The following NEGR1 variants were observed in gnomAD, a reference collection of about 807,000 sequenced individuals.
NEGR1 encodes IgLON family member 4.
NEGR1 carries 10 observed loss-of-function variants against 40.9 expected under a neutral mutation model. That is an observed-to-expected ratio of 0.24 (90% CI 0.15 to 0.42). The LOEUF (loss-of-function observed/expected upper bound fraction) is 0.42. NEGR1 is among the 10% of genes least tolerant of loss of function. The probability of loss-of-function intolerance (pLI) is 1.00; values close to 1 mark genes in which losing one functional copy is unlikely to be tolerated. For synonymous variants in NEGR1, 185 were observed against 166.8 expected (o/e 1.11, Z -0.84); for missense variants, 352 against 438.9 (o/e 0.80, Z 1.77).
chr1:71,530,281 AC>A (rs1387611842), intron 6 of NEGR1, among the ~76,000 whole-genome samples: 1 of 151,410 alleles, frequency 6.6e-6, no homozygotes, highest in Non-Finnish European at 1.5e-5. Context: ...TTTGTTTGAA[AC>A]AACTGGAACT....
At chr1:71,697,963 T>C in intron 4 of NEGR1, 45 bp downstream of exon 4, 1 of 1,568,084 alleles carries the variant, frequency 6.4e-7, no homozygotes, top group Non-Finnish European at 8.6e-7. Flanking sequence ...CAAGGTGTTT[T>C]ATCTTTTCTC....
Position 71,957,661 on chromosome 1 carries a change from G to A in NEGR1, c.177-22350C>T, listed in dbSNP as rs148790075. Among the ~76,000 whole-genome samples the A allele has an allele frequency of 2.1e-4, 32 of 152,216 alleles. No individual in the cohort carries two copies. The East Asian group carries it at 6.2e-3, about 29-fold the overall frequency. Reference sequence around the variant, plus strand: ...CACTCTTTAGTAATCACATTAAAATGTCAATTGGGTTTGGAACCAATTTAA... The same window carrying A: ...CACTCTTTAGTAATCACATTAAAATATCAATTGGGTTTGGAACCAATTTAA... On this transcript the variant is annotated intron_variant, in intron 1 of 6. Transcript: ENST00000357731.
rs539341311 is a variant in NEGR1, at chr1:71,905,711, T to C, written c.409+29368A>G. Among the ~76,000 whole-genome samples, 4 of 152,162 alleles carry C rather than the reference T, an allele frequency of 2.6e-5. No individual in the cohort carries two copies. In the South Asian group the frequency reaches 8.3e-4, roughly 32 times the overall value. ...ATAAAGCTGGCAGAAATAAGATACATTTAAAACAGGGTCCACTGATAAAAC... is the reference window on the plus strand; with the variant it reads ...ATAAAGCTGGCAGAAATAAGATACACTTAAAACAGGGTCCACTGATAAAAC... On this transcript the variant is annotated intron_variant, in intron 2 of 6. Transcript: ENST00000357731.
At position 71,867,987 on chromosome 1, in the gene NEGR1, A is replaced by G. The variant is rs187492045; in HGVS notation, c.409+67092T>C. On this transcript the variant is annotated intron_variant, in intron 2 of 6. Coordinates refer to ENST00000357731, the MANE Select transcript of NEGR1 (RefSeq NM_173808.3). ...TATTATCAATTTTGGAAAAAGCTGT[A>G]TTAATTTTCTATCAGATATGACCTG... 4.5e-3 allele frequency among the ~76,000 whole-genome samples: 691 copies of G among 152,296 alleles called. 2 individuals carry two copies. Among genetic ancestry groups the G allele is most frequent in the Non-Finnish European group, 7.3e-3 (496 of 68,008 alleles).
intron 2 of NEGR1, among the ~76,000 whole-genome samples, chr1:71,849,086 C>A (rs1659518329): frequency 6.7e-6 from 1 of 148,162 alleles, no homozygotes; most frequent in Non-Finnish European, 1.5e-5. Flanking sequence ...AAGACTCTGT[C>A]TCAAAAAAAA....
At chr1:71,968,589 A>G (rs1208842976) in intron 1 of NEGR1, among the ~76,000 whole-genome samples, 2 of 152,236 alleles carry the variant, frequency 1.3e-5, no homozygotes, top group African/African-American at 4.8e-5. Context: ...TAACAATGCT[A>G]TGAGGAAGAG....
At chr1:71,883,136 T>C (rs1660626879) in intron 2 of NEGR1, among the ~76,000 whole-genome samples, 1 of 152,168 alleles carries the variant, frequency 6.6e-6, no homozygotes, top group Non-Finnish European at 1.5e-5. Flanking sequence ...GCTTCAACGA[T>C]TGTAAATTAT....
chr1:71,959,218 A>G (rs1292067132), intron 1 of NEGR1, among the ~76,000 whole-genome samples: 1 of 152,138 alleles, frequency 6.6e-6, no homozygotes, highest in African/African-American at 2.4e-5. Context: ...TAAAATCTAT[A>G]TATATAAAAA....
rs191963252 is a variant in NEGR1 at position 71,448,936 on chromosome 1, A to G, written c.941-41366T>C. Among the ~76,000 whole-genome samples the G allele has an allele frequency of 1.1e-3, 160 of 152,302 alleles. 1 individual carries two copies. The highest frequency in any genetic ancestry group is 1.9e-3 in the Non-Finnish European group (132 of 68,020). ...CCGCCTCTTTCAAGAGGCTTGTAAT[A>G]TGGTTTGATGCCACGTCTTTGTTAA... On this transcript the variant is annotated intron_variant, in intron 6 of 6. Transcript: ENST00000357731.
At chr1:72,255,942 A>G (rs1360836366) in intron 1 of NEGR1, among the ~76,000 whole-genome samples, 1 of 152,234 alleles carries the variant, frequency 6.6e-6, no homozygotes, top group Non-Finnish European at 1.5e-5. Flanking sequence ...AATGATATTG[A>G]AGTCCCAATC....
chr1:72,179,659 A>T (rs978237794), intron 1 of NEGR1, among the ~76,000 whole-genome samples: 1 of 152,112 alleles, frequency 6.6e-6, no homozygotes, highest in African/African-American at 2.4e-5. Flanking sequence ...AGTACTAGGC[A>T]TTTTATTCTA....
At chr1:71,609,884 T>C (rs1424211644) in intron 5 of NEGR1, among the ~76,000 whole-genome samples, 2 of 152,314 alleles carry the variant, frequency 1.3e-5, no homozygotes, top group African/African-American at 4.8e-5. Context: ...GATTAGATCA[T>C]GGGGGCAGTT....
chr1:72,132,370 T>A (rs1557542747), intron 1 of NEGR1, among the ~76,000 whole-genome samples: 1 of 152,166 alleles, frequency 6.6e-6, no homozygotes, highest in East Asian at 1.9e-4. Flanking sequence ...AAGGATATCT[T>A]CTAACAAGTT....
chr1:71,697,859 A>G (rs1653536442), intron 4 of NEGR1, 149 bp downstream of exon 4: 1 of 678,890 alleles, frequency 1.5e-6, no homozygotes, highest in Non-Finnish European at 2.4e-6. Context: ...TTTAACCAAC[A>G]TTTCAACATC....
chr1:71,877,153 C>CA (rs71586965), intron 2 of NEGR1, among the ~76,000 whole-genome samples: 16,094 of 142,492 alleles, frequency 0.11, 1,310 homozygotes, highest in East Asian at 0.47. Context: ...CAAAACAAAA[C>CA]AAAAAAAAAA....
At chr1:72,197,991 A>C (rs1486681012) in intron 1 of NEGR1, among the ~76,000 whole-genome samples, 1 of 152,008 alleles carries the variant, frequency 6.6e-6, no homozygotes, top group Non-Finnish European at 1.5e-5. Flanking sequence ...AGTTTTTCAG[A>C]GAGAAAAAGG....
chr1:72,124,686 T>G (rs1015279242), intron 1 of NEGR1, among the ~76,000 whole-genome samples: 1 of 152,070 alleles, frequency 6.6e-6, no homozygotes, highest in African/African-American at 2.4e-5. Context: ...ATCTTATGTA[T>G]GCTAGTGGTG....
rs1456839182 is a variant in NEGR1 at position 72,057,248 on chromosome 1, A to AT, written c.177-121938dup. ...CTTGAGGAAGGAAACTCCTTGTTAA[A>AT]TTTTTTGGTTACAAAATTTGGATTG... On this transcript the variant is annotated intron_variant, in intron 1 of 6. Transcript: ENST00000357731. 2.0e-5 allele frequency among the ~76,000 whole-genome samples: 3 copies of AT among 151,574 alleles called. No homozygotes were observed. The Admixed American group carries it at 2.0e-4, about 10-fold the overall frequency.
At chr1:71,628,042 A>T (rs948974054) in intron 4 of NEGR1, among the ~76,000 whole-genome samples, 1 of 152,046 alleles carries the variant, frequency 6.6e-6, no homozygotes, top group East Asian at 1.9e-4. Flanking sequence ...CCATGGGAGG[A>T]CTTCCCATTT....
Sources: allele counts gnomAD v4.1 joint callset (sites outside exome capture counted in the v4.1 genomes callset), GRCh38; gene constraint gnomAD v4.1.1; transcripts MANE v1.5; gene names NCBI Gene and HGNC (gene_info 2026-07-23, HGNC 2026-07-21).